The following LRCH1 variants were observed in gnomAD, a reference collection of about 807,000 sequenced individuals.
The protein encoded by LRCH1 is leucine rich repeats and calponin homology domain containing 1.
Under a neutral mutation model 94.9 loss-of-function variants are expected in LRCH1, and 23 were observed. That is an observed-to-expected ratio of 0.24 (90% CI 0.17 to 0.34). The LOEUF (loss-of-function observed/expected upper bound fraction) is 0.34, where lower values mean the gene tolerates loss of function less well. Among genes scored for constraint, LRCH1 ranks in the 10% least tolerant of loss-of-function variants. LRCH1 has a pLI of 1.00. For missense variants in LRCH1, 790 were observed against 945.9 expected (o/e 0.84, Z 2.16); for synonymous variants, 364 against 354.9 (o/e 1.03, Z -0.29).
At chr13:46,584,639 G>T (rs138077733) in intron 1 of LRCH1, among the ~76,000 whole-genome samples, 4 of 152,202 alleles carry the variant, frequency 2.6e-5, no homozygotes, top group Admixed American at 2.0e-4. Context: ...TCTACACTCC[G>T]TGTTTTTCTT....
intron 7 of LRCH1, 44 bp downstream of exon 7, chr13:46,689,240 A>C: frequency 6.8e-7 from 1 of 1,479,406 alleles, no homozygotes; most frequent in Non-Finnish European, 9.4e-7. Flanking sequence ...ACTTCTAGAC[A>C]TATCTACCAG....
chr13:46,690,697 G>T (rs1870850671), intron 7 of LRCH1, among the ~76,000 whole-genome samples: 1 of 152,202 alleles, frequency 6.6e-6, no homozygotes, highest in Non-Finnish European at 1.5e-5. Flanking sequence ...AGAATGAAAT[G>T]CACACATCTT....
At chr13:46,624,937 C>T (rs534268675) in intron 1 of LRCH1, among the ~76,000 whole-genome samples, 11 of 152,314 alleles carry the variant, frequency 7.2e-5, no homozygotes, top group Non-Finnish European at 1.5e-4. Flanking sequence ...TGAGATTCTT[C>T]CTGTTACTTT....
In LRCH1 at chr13:46,724,654, T is replaced by C. The variant is rs189594965; in HGVS notation, c.1869+1324T>C. Among the ~76,000 whole-genome samples, 99 of 152,272 alleles carry C rather than the reference T, an allele frequency of 6.5e-4. 1 individual carries two copies. The highest frequency in any genetic ancestry group is 1.9e-3 in the African/African-American group (77 of 41,546). ...GTTAGGAAGATCATACATAAATGTA[T>C]GGAAGGTTAATTAACAGTATAGGAA... On this transcript the variant is annotated intron_variant, in intron 17 of 19. Transcript: ENST00000389797.
At chr13:46,645,014 A>G (rs954200915) in intron 1 of LRCH1, among the ~76,000 whole-genome samples, 3 of 152,184 alleles carry the variant, frequency 2.0e-5, no homozygotes, top group Non-Finnish European at 4.4e-5. Context: ...TGCTTCTGGG[A>G]TGCAGTCACA....
chr13:46,676,175 C>T lies in LRCH1; in HGVS notation c.580-5566C>T, dbSNP rs185302618. Among the ~76,000 whole-genome samples the T allele has an allele frequency of 7.4e-3, 1,127 of 151,862 alleles. 23 individuals carry two copies. The highest frequency in any genetic ancestry group is 7.0e-3 in the Non-Finnish European group (473 of 67,990). ...ACACAGCAGGCTGAGGGAGGAGAATCGCTTGAACCTGGGAGGTGGAGGTTG... is the reference window on the plus strand; with the variant it reads ...ACACAGCAGGCTGAGGGAGGAGAATTGCTTGAACCTGGGAGGTGGAGGTTG... On this transcript the variant is annotated intron_variant, in intron 3 of 19. Transcript: ENST00000389797.
rs1461758099 is a variant in LRCH1 at position 46,742,948 on chromosome 13, A to G, written c.*1100A>G. The G allele has an allele frequency of 2.0e-6, 2 of 985,260 alleles. No individual in the cohort carries two copies. The highest frequency in any genetic ancestry group is 2.4e-6 in the Non-Finnish European group (2 of 829,850). The allele number at this position is 985,260 out of a possible 1,614,324, so 61.0% of individuals were successfully genotyped here. A position where few individuals can be genotyped will look rare whatever the true frequency, so the allele number is the denominator to read the frequency against. ...AAGTCAGCTCAAAGGATTATATAGTAACTATATCTGCATTTGGAGCAATGT... is the reference window on the plus strand; with the variant it reads ...AAGTCAGCTCAAAGGATTATATAGTGACTATATCTGCATTTGGAGCAATGT... On this transcript the variant is annotated 3_prime_UTR_variant, in exon 20 of 20. Transcript: ENST00000389797.
At position 46,742,381 on chromosome 13, in the gene LRCH1, G is replaced by C; in HGVS notation, c.*533G>C. 1 of 993,132 alleles carries C rather than the reference G, an allele frequency of 1.0e-6. No individual in the cohort carries two copies. The highest frequency in any genetic ancestry group is 1.2e-6 in the Non-Finnish European group (1 of 834,394). The allele number at this position is 993,132 out of a possible 1,614,324, so 61.5% of individuals were successfully genotyped here. On this transcript the variant is annotated 3_prime_UTR_variant, in exon 20 of 20. Coordinates refer to ENST00000389797, the MANE Select transcript of LRCH1 (RefSeq NM_001164211.2). ...CTTTAATAATACCACTACTGACCAA[G>C]TTGGACGTGTACACGTACTCACACT...
At chr13:46,695,482 G>A (rs1005606098) in intron 9 of LRCH1, among the ~76,000 whole-genome samples, 6 of 152,148 alleles carry the variant, frequency 3.9e-5, no homozygotes, top group Non-Finnish European at 7.3e-5. Flanking sequence ...TAGGTGCCCC[G>A]AGGCATTGAA....
At chr13:46,575,471 CA>C (rs2050293067) in intron 1 of LRCH1, among the ~76,000 whole-genome samples, 1 of 150,968 alleles carries the variant, frequency 6.6e-6, no homozygotes, top group Non-Finnish European at 1.5e-5. Flanking sequence ...AGTTGAAGGA[CA>C]CATTGCTCTG....
rs575874794 is a variant in LRCH1 at position 46,558,572 on chromosome 13, C to CAAAAAAAAAAAAAAAAAAAAAAAA, written c.307+4872_307+4895dup. On this transcript the variant is annotated intron_variant, in intron 1 of 19. Coordinates refer to ENST00000389797, the MANE Select transcript of LRCH1 (RefSeq NM_001164211.2). ...CCAAGACGGTGAAACCCTGTGTCTACAAAAAAAAAAAAAAAAAAAAAAAAA... is the reference window on the plus strand; with the variant it reads ...CCAAGACGGTGAAACCCTGTGTCTACAAAAAAAAAAAAAAAAAAAAAAAAAAAAAAAAAAAAAAAAAAAAAAAAA... Among the ~76,000 whole-genome samples, 111 of 34,396 alleles carry CAAAAAAAAAAAAAAAAAAAAAAAA rather than the reference C, an allele frequency of 3.2e-3. 15 individuals are homozygous for CAAAAAAAAAAAAAAAAAAAAAAAA. The highest frequency in any genetic ancestry group is 5.3e-3 in the Non-Finnish European group (90 of 17,006). 22.6% of individuals were successfully genotyped at this position (34,396 alleles called of 152,430 possible). A position where few individuals can be genotyped will look rare whatever the true frequency, so the allele number is the denominator to read the frequency against.
chr13:46,690,973 A>T (rs1229066191), intron 7 of LRCH1, among the ~76,000 whole-genome samples: 1 of 152,234 alleles, frequency 6.6e-6, no homozygotes, highest in Non-Finnish European at 1.5e-5. Flanking sequence ...GATTAAAAAC[A>T]TCTTTTTATC....
chr13:46,733,302 T>C (rs577505986), intron 18 of LRCH1, among the ~76,000 whole-genome samples: 7 of 152,316 alleles, frequency 4.6e-5, no homozygotes, highest in South Asian at 2.1e-4. Flanking sequence ...GTTAATTCAA[T>C]TGTGAGAAGC....
At chr13:46,616,839 T>C (rs867107035) in intron 1 of LRCH1, among the ~76,000 whole-genome samples, 2 of 152,166 alleles carry the variant, frequency 1.3e-5, no homozygotes, top group Non-Finnish European at 2.9e-5. Flanking sequence ...TTAGTTCTTA[T>C]AGGTTTTGGG....
chr13:46,700,672 G>T (rs796091885), intron 10 of LRCH1, among the ~76,000 whole-genome samples: 2 of 152,142 alleles, frequency 1.3e-5, no homozygotes, highest in Non-Finnish European at 2.9e-5. Context: ...TCTAGAGTTT[G>T]GACTGAGAAC....
intron 4 of LRCH1, 92 bp from the exon 5 acceptor site, chr13:46,685,813 A>G: frequency 1.1e-6 from 1 of 907,570 alleles, no homozygotes; most frequent in South Asian, 2.1e-5. Context: ...TTTTCCTGAG[A>G]AGCAGAACAT....
At chr13:46,712,195 G>A (rs989563435) in intron 14 of LRCH1, among the ~76,000 whole-genome samples, 1 of 152,174 alleles carries the variant, frequency 6.6e-6, no homozygotes, top group Non-Finnish European at 1.5e-5. Flanking sequence ...CATCAGATGT[G>A]CCCTCTTTTG....
chr13:46,705,392 A>G, intron 13 of LRCH1, 88 bp downstream of exon 13: 1 of 1,153,354 alleles, frequency 8.7e-7, no homozygotes, highest in Non-Finnish European at 1.3e-6. Context: ...TTTGTCAGGG[A>G]GTGAAACATC....
intron 2 of LRCH1, among the ~76,000 whole-genome samples, chr13:46,663,021 T>C (rs1398665635): frequency 6.6e-6 from 1 of 152,218 alleles, no homozygotes; most frequent in Non-Finnish European, 1.5e-5. Flanking sequence ...TCAGATTCAA[T>C]TCAAATGATG....
Sources: allele counts gnomAD v4.1 joint callset (sites outside exome capture counted in the v4.1 genomes callset), GRCh38; gene constraint gnomAD v4.1.1; transcripts MANE v1.5; gene names NCBI Gene and HGNC (gene_info 2026-07-23, HGNC 2026-07-21).